The following NAT1 variants were observed in gnomAD, a reference collection of about 807,000 sequenced individuals.
NAT1 encodes the protein arylamine N-acetyltransferase 1.
For synonymous variants in NAT1, 144 were observed against 122.6 expected, an observed-to-expected ratio of 1.17 and a Z score of -1.16; for missense variants, 400 against 339.2, an observed-to-expected ratio of 1.18 and a Z score of -1.41.
intron 2 of NAT1, among the ~76,000 whole-genome samples, chr8:18,193,995 C>T (rs543486946): frequency 1.2e-3 from 186 of 152,148 alleles, no homozygotes; most frequent in Non-Finnish European, 2.2e-3. Context: ...ATCTCCATCA[C>T]GTCCTCTTTC....
intron 2 of NAT1, among the ~76,000 whole-genome samples, chr8:18,182,646 G>C (rs1802566484): frequency 6.6e-6 from 1 of 152,038 alleles, no homozygotes; most frequent in Admixed American, 6.5e-5. Context: ...TTGATTTCTA[G>C]AACTAACTAA....
At chr8:18,200,098 G>C (rs1803399296) in intron 2 of NAT1, among the ~76,000 whole-genome samples, 1 of 152,200 alleles carries the variant, frequency 6.6e-6, no homozygotes. Flanking sequence ...TGGTGGGAAT[G>C]TAAGTTAGTT....
chr8:18,215,306 A>G (rs1456828230), intron 1 of NAT1, among the ~76,000 whole-genome samples: 1 of 152,158 alleles, frequency 6.6e-6, no homozygotes, highest in Admixed American at 6.5e-5. Context: ...GGAAGCACCA[A>G]TTGTCTTTGC....
chr8:18,174,622 G>GTT (rs1200657445), intron 2 of NAT1, among the ~76,000 whole-genome samples: 1 of 151,980 alleles, frequency 6.6e-6, no homozygotes, highest in Non-Finnish European at 1.5e-5. Flanking sequence ...TCACGCCCTG[G>GTT]AGAACCCAGC....
intron 2 of NAT1, among the ~76,000 whole-genome samples, chr8:18,197,796 TG>T (rs1182421549): frequency 4.6e-5 from 7 of 152,066 alleles, no homozygotes; most frequent in Admixed American, 3.9e-4. Context: ...TGTCAGCAGT[TG>T]ATTATCAGGG....
Position 18,222,063 on chromosome 8 carries a change from T to C in NAT1, c.16T>C (p.Tyr6His). The part of the protein sequence containing the change: MDIEA[Y>H]LERIGYKKSR... The stretch of plus-strand genomic sequence containing the variant: ...TTAGGGGATCATGGACATTGAAGCA[T>C]ATCTTGAAAGAATTGGCTATAAGAA... Residue 6 changes from tyrosine (Y) to histidine (H), a missense_variant, in exon 3 of 3, where the codon TAT (tyrosine) becomes CAT (histidine). Transcript: ENST00000307719. 1.9e-6 allele frequency: 3 copies of C among 1,612,994 alleles called. No homozygotes were observed. The highest frequency in any genetic ancestry group is 2.2e-5 in the East Asian group (1 of 44,862).
At position 18,222,545 on chromosome 8, in the gene NAT1, G is replaced by A. The variant is rs745892749; in HGVS notation, c.498G>A (p.Arg166=). The change falls in exon 3 of 3, where the codon AGG becomes AGA. Residue 166 remains arginine, a synonymous_variant. Coordinates refer to ENST00000307719, the MANE Select transcript of NAT1 (RefSeq NM_000662.8). The part of the protein sequence containing the change: ...NGFWYLDQIR[R]EQYIPNEEFL... The stretch of plus-strand genomic sequence containing the variant: ...TCTGGTATCTAGACCAAATCAGAAG[G>A]GAACAGTACATTCCAAATGAAGAAT... The A allele has an allele frequency of 2.5e-6, 4 of 1,613,916 alleles. No individual in the cohort carries two copies. The Admixed American group carries it at 5.0e-5, about 20-fold the overall frequency.
At chr8:18,220,774 C>G (rs1301677286) in intron 2 of NAT1, among the ~76,000 whole-genome samples, 2 of 152,192 alleles carry the variant, frequency 1.3e-5, no homozygotes, top group Non-Finnish European at 2.9e-5. Flanking sequence ...ACCCCACCAG[C>G]TTCTACCTTG....
At chr8:18,188,347 A>T (rs1802827582) in intron 2 of NAT1, among the ~76,000 whole-genome samples, 1 of 152,208 alleles carries the variant, frequency 6.6e-6, no homozygotes, top group Non-Finnish European at 1.5e-5. Flanking sequence ...GACACTAATG[A>T]CGAAATTTTT....
intron 1 of NAT1, chr8:18,216,986 T>C: frequency 6.5e-7 from 1 of 1,550,258 alleles, no homozygotes; most frequent in Non-Finnish European, 8.7e-7. Flanking sequence ...ATGATCACCA[T>C]GTTTCTGGGT....
intron 2 of NAT1, among the ~76,000 whole-genome samples, chr8:18,173,441 G>A (rs17641927): frequency 0.15 from 22,468 of 151,966 alleles, 1,962 homozygotes; most frequent in South Asian, 0.3. Context: ...ACTACACAGA[G>A]GAAAAGCAAG....
intron 2 of NAT1, among the ~76,000 whole-genome samples, chr8:18,193,514 T>C (rs1302398634): frequency 6.9e-6 from 1 of 145,932 alleles, no homozygotes; most frequent in Non-Finnish European, 1.5e-5. Context: ...ATAATATATA[T>C]ATATATATCA....
chr8:18,185,530 C>T (rs76380540), intron 2 of NAT1, among the ~76,000 whole-genome samples: 1 of 152,186 alleles, frequency 6.6e-6, no homozygotes, highest in East Asian at 1.9e-4. Context: ...GGTCTTTGTG[C>T]GTTCCCTCTC....
At chr8:18,205,920 A>C (rs969941785), upstream of NAT1, among the ~76,000 whole-genome samples, 5 of 152,204 alleles carry the variant, frequency 3.3e-5, no homozygotes, top group African/African-American at 1.2e-4. Context: ...TTTGATGGGC[A>C]AGACCACCCT....
At chr8:18,205,567 G>T (rs374219062), upstream of NAT1, among the ~76,000 whole-genome samples, 14 of 152,268 alleles carry the variant, frequency 9.2e-5, no homozygotes, top group East Asian at 2.3e-3. Flanking sequence ...GCGGAGGGAG[G>T]AGTGGCAGAC....
At chr8:18,172,844 C>A (rs1469123095) in intron 2 of NAT1, among the ~76,000 whole-genome samples, 1 of 151,862 alleles carries the variant, frequency 6.6e-6, no homozygotes, top group Non-Finnish European at 1.5e-5. Flanking sequence ...CAAATTATAC[C>A]CCCAAAGAAC....
chr8:18,179,898 T>G (rs145742606), intron 2 of NAT1, among the ~76,000 whole-genome samples: 485 of 152,152 alleles, frequency 3.2e-3, no homozygotes, highest in African/African-American at 0.011. Flanking sequence ...GTAGAAAGAT[T>G]AAATCTTAAG....
intron 2 of NAT1, among the ~76,000 whole-genome samples, chr8:18,177,923 T>A (rs1052968980): frequency 6.6e-5 from 10 of 152,156 alleles, no homozygotes; most frequent in Non-Finnish European, 1.0e-4. Flanking sequence ...TCTTAGCTTT[T>A]GATTTTCACA....
chr8:18,210,817 C>T, intron 1 of NAT1, among the ~76,000 whole-genome samples: 1 of 152,150 alleles, frequency 6.6e-6, no homozygotes, highest in East Asian at 1.9e-4. Flanking sequence ...CCCCATTGCC[C>T]AGGCTGGAGT....
Sources: gnomAD v4.1 joint callset for allele counts (sites outside exome capture counted in the v4.1 genomes callset) on GRCh38, gnomAD v4.1.1 for gene constraint, MANE v1.5 for transcripts, NCBI Gene and HGNC (gene_info 2026-07-23, HGNC 2026-07-21) for gene names.